PIGN: variants seen among roughly 807,000 people sequenced by gnomAD.
The protein encoded by PIGN is phosphatidylinositol glycan anchor biosynthesis class N.
PIGN carries 117 observed loss-of-function variants against 125.4 expected under a neutral mutation model. The observed-to-expected ratio is 0.93, with a 90% CI of 0.80 to 1.09. The LOEUF (loss-of-function observed/expected upper bound fraction) is 1.09, where lower values mean the gene tolerates loss of function less well. Among genes scored for constraint, PIGN ranks in the 50% least tolerant of loss-of-function variants. The pLI is 0.00. For synonymous variants in PIGN, 392 were observed against 377.8 expected (o/e 1.04, Z -0.44); for missense variants, 1,075 against 1,094.9 (o/e 0.98, Z 0.26).
chr18:62,088,608 A>C (rs2033819408), intron 25 of PIGN, 148 bp downstream of exon 25: 1 of 551,718 alleles, frequency 1.8e-6, no homozygotes, highest in Non-Finnish European at 3.2e-6. Context: ...AAAAATTTTT[A>C]ATGTGAATTA....
At chr18:62,181,223 T>C (rs984283266) in intron 1 of PIGN, among the ~76,000 whole-genome samples, 2 of 152,332 alleles carry the variant, frequency 1.3e-5, no homozygotes, top group Middle Eastern at 3.4e-3. Context: ...AGGGAACAGA[T>C]AAATTGTTTA....
chr18:62,176,567 C>T (rs1599695690), intron 1 of PIGN, among the ~76,000 whole-genome samples: 1 of 151,504 alleles, frequency 6.6e-6, no homozygotes, highest in Non-Finnish European at 1.5e-5. Context: ...CCAGATGCAC[C>T]GAGAAAGGCA....
chr18:62,083,946 A>G (rs1199845004), intron 27 of PIGN, among the ~76,000 whole-genome samples: 1 of 152,170 alleles, frequency 6.6e-6, no homozygotes, highest in Non-Finnish European at 1.5e-5. Flanking sequence ...ACAAATATAT[A>G]CTAAGTAAAA....
chr18:62,080,611 C>T (rs919186939), intron 28 of PIGN, among the ~76,000 whole-genome samples: 18 of 152,108 alleles, frequency 1.2e-4, no homozygotes, highest in African/African-American at 4.1e-4. Context: ...AGTCCTTTTC[C>T]CTTGTTCCTG....
chr18:62,079,546 A>G (rs1478202726), intron 28 of PIGN, among the ~76,000 whole-genome samples: 1 of 152,246 alleles, frequency 6.6e-6, no homozygotes, highest in Non-Finnish European at 1.5e-5. Flanking sequence ...CTGACCCAGG[A>G]AAAATTAGAC....
chr18:62,025,016 T>G (rs540530857), intron 23 of PIGN, among the ~76,000 whole-genome samples: 1 of 152,288 alleles, frequency 6.6e-6, no homozygotes, highest in East Asian at 1.9e-4. Flanking sequence ...GGAAGAAACA[T>G]TGATCTGTGT....
At chr18:62,137,913 C>T in intron 14 of PIGN, 1 of 244,304 alleles carries the variant, frequency 4.1e-6, no homozygotes, top group Non-Finnish European at 7.8e-6. Context: ...CAGCATCTTC[C>T]TAATCAACCA....
intron 29 of PIGN, among the ~76,000 whole-genome samples, chr18:62,073,548 C>A (rs1420540292): frequency 6.6e-6 from 1 of 152,114 alleles, no homozygotes; most frequent in Non-Finnish European, 1.5e-5. Flanking sequence ...CTTTTTTATA[C>A]AAAATTAATC....
intron 1 of PIGN, among the ~76,000 whole-genome samples, chr18:62,172,015 A>C (rs895451788): frequency 2.0e-5 from 3 of 152,114 alleles, no homozygotes. Flanking sequence ...AGTTTGTGTA[A>C]AATTTGTATT....
chr18:62,096,012 G>A, intron 22 of PIGN, 62 bp from the exon 23 acceptor site: 1 of 1,074,326 alleles, frequency 9.3e-7, no homozygotes, highest in Non-Finnish European at 1.4e-6. Context: ...TGTTAGCGTA[G>A]GGCCGGGCGT....
At chr18:62,035,120 T>C (rs545646320) in intron 23 of PIGN, among the ~76,000 whole-genome samples, 1 of 152,268 alleles carries the variant, frequency 6.6e-6, no homozygotes, top group African/African-American at 2.4e-5. Flanking sequence ...ACATGCTTTT[T>C]TTGCCTGCCA....
intron 23 of PIGN, among the ~76,000 whole-genome samples, chr18:62,091,206 G>A (rs1231819642): frequency 6.6e-6 from 1 of 151,962 alleles, no homozygotes; most frequent in Non-Finnish European, 1.5e-5. Flanking sequence ...AAATTAGCCG[G>A]GTGTGGTGGT....
chr18:62,109,036 T>C (rs1021079310), intron 17 of PIGN, among the ~76,000 whole-genome samples: 2 of 152,220 alleles, frequency 1.3e-5, no homozygotes, highest in Non-Finnish European at 2.9e-5. Context: ...TAATAGGCTC[T>C]CATTCTTTCA....
rs1366891037 is a variant in PIGN at position 62,085,748 on chromosome 18, C to T, written c.2371-484G>A. Among the ~76,000 whole-genome samples the T allele has an allele frequency of 3.3e-5, 5 of 152,186 alleles. No homozygotes were observed. In the East Asian group the frequency reaches 7.7e-4, roughly 23 times the overall value. The stretch of plus-strand genomic sequence containing the variant: ...TAAAATAATTCAATAGAGAATGACA[C>T]ATGAGAAAATGCTGAACATCTTTTT... On this transcript the variant is annotated intron_variant, in intron 25 of 30. Coordinates refer to ENST00000640252, the MANE Select transcript of PIGN (RefSeq NM_176787.5).
chr18:62,088,789 T>C lies in PIGN; in HGVS notation c.2337A>G (p.Leu779=), dbSNP rs768724419. 4.5e-6 allele frequency: 7 copies of C among 1,565,904 alleles called. No homozygotes were observed. Among genetic ancestry groups the C allele is most frequent in the Non-Finnish European group, 6.1e-6 (7 of 1,153,002 alleles). Residue 779 remains leucine (L), a synonymous_variant, in exon 25 of 31, where the codon CTA becomes CTG. Transcript: ENST00000640252. The part of the protein sequence containing the change: ...YNTDITQFRQ[L]YLDDIRRAFF... ...AGGCCCTACGGATGTCATCCAGATA[T>C]AGCTGTCGAAACTGAGTTATATCAG...
chr18:62,186,675 T>C (rs936897337), intron 1 of PIGN, among the ~76,000 whole-genome samples, 169 bp downstream of exon 1: 10 of 152,122 alleles, frequency 6.6e-5, no homozygotes, highest in Admixed American at 5.9e-4. Flanking sequence ...AGAAAGGAAG[T>C]CACATTCCGA....
At chr18:62,176,858 G>A (rs1443741053) in intron 1 of PIGN, among the ~76,000 whole-genome samples, 1 of 151,978 alleles carries the variant, frequency 6.6e-6, no homozygotes, top group African/African-American at 2.4e-5. Context: ...ATTATATGAT[G>A]TTTACATAAG....
chr18:62,126,513 T>G (rs1166466882), intron 14 of PIGN, among the ~76,000 whole-genome samples: 3 of 152,144 alleles, frequency 2.0e-5, no homozygotes, highest in African/African-American at 7.2e-5. Flanking sequence ...CTTAAAAGCT[T>G]CATGTGAACT....
chr18:62,102,285 A>T (rs776498844), intron 21 of PIGN, among the ~76,000 whole-genome samples: 7 of 146,646 alleles, frequency 4.8e-5, no homozygotes, highest in Non-Finnish European at 9.0e-5. Context: ...ATTACTAAAA[A>T]GTACCCATCT....
Sources: allele counts gnomAD v4.1 joint callset (sites outside exome capture counted in the v4.1 genomes callset), GRCh38; gene constraint gnomAD v4.1.1; transcripts MANE v1.5; gene names NCBI Gene and HGNC (gene_info 2026-07-23, HGNC 2026-07-21).